Variants in ATP8A1 observed in about 807,000 individuals in gnomAD.
ATP8A1 encodes ATPase phospholipid transporting 8A1.
A neutral mutation model predicts 177.7 loss-of-function variants in ATP8A1; 90 were observed. The ratio of observed to expected loss-of-function variants is 0.51; its 90% CI spans 0.43 to 0.60. The LOEUF (loss-of-function observed/expected upper bound fraction) is 0.60. Among genes scored for constraint, ATP8A1 ranks in the 20% least tolerant of loss-of-function variants. ATP8A1 has a pLI of 0.00. For synonymous variants in ATP8A1, 493 were observed against 485.9 expected, an observed-to-expected ratio of 1.01 and a Z score of -0.19; for missense variants, 1,072 against 1,392.8, an observed-to-expected ratio of 0.77 and a Z score of 3.67.
chr4:42,618,914 T>C (rs771306871), intron 4 of ATP8A1, among the ~76,000 whole-genome samples: 1 of 152,240 alleles, frequency 6.6e-6, no homozygotes, highest in Non-Finnish European at 1.5e-5. Context: ...CTCCTTGCAA[T>C]CCATTTTCTA....
At chr4:42,483,410 A>G (rs1187970786) in intron 25 of ATP8A1, among the ~76,000 whole-genome samples, 1 of 152,008 alleles carries the variant, frequency 6.6e-6, no homozygotes, top group Non-Finnish European at 1.5e-5. Flanking sequence ...AACTGGAAAT[A>G]AAACTCAGTG....
intron 1 of ATP8A1, among the ~76,000 whole-genome samples, chr4:42,634,796 A>C (rs1412055367): frequency 6.6e-6 from 1 of 152,246 alleles, no homozygotes; most frequent in Non-Finnish European, 1.5e-5. Context: ...GGGAGAAAAT[A>C]AATAGGCTAT....
chr4:42,414,651 C>T lies in ATP8A1; in HGVS notation c.3373G>A (p.Glu1125Lys). 1 of 1,613,838 alleles carries T rather than the reference C, an allele frequency of 6.2e-7. No individual in the cohort carries two copies. The change falls in exon 36 of 37, where the codon GAA (glutamate) becomes AAA (lysine). Residue 1125 changes from glutamate to lysine, a missense_variant. Around this residue, in one of 5 missense-constraint regions of ATP8A1, gnomAD observed 316 missense variants for 459.1 expected, o/e 0.69. Transcript: ENST00000381668. ...KKNHVNLYRSESLQQNLLHGY... is the reference protein window; with the variant it reads ...KKNHVNLYRSKSLQQNLLHGY... ...CGGAGCAGATTTTGTTGCAAGGATTCAGAGCGGTACAAGTTCACGTGGTTC... is the reference window on the plus strand; with the variant it reads ...CGGAGCAGATTTTGTTGCAAGGATTTAGAGCGGTACAAGTTCACGTGGTTC...
At chr4:42,578,478 C>T (rs1451571003) in intron 11 of ATP8A1, 91 bp from the exon 12 acceptor site, 28 of 1,398,546 alleles carry the variant, frequency 2.0e-5, no homozygotes, top group East Asian at 4.7e-5. Flanking sequence ...TTCCATACTA[C>T]GCAGCTTATT....
chr4:42,650,713 C>A (rs1248628555), intron 1 of ATP8A1, among the ~76,000 whole-genome samples: 1 of 152,144 alleles, frequency 6.6e-6, no homozygotes, highest in African/African-American at 2.4e-5. Flanking sequence ...TATATTTTAG[C>A]ATTATAGTAT....
intron 27 of ATP8A1, among the ~76,000 whole-genome samples, chr4:42,458,830 C>A (rs528217752): frequency 9.2e-5 from 14 of 152,170 alleles, no homozygotes; most frequent in Non-Finnish European, 1.9e-4. Flanking sequence ...CATTCATTTT[C>A]CTGATGGAGC....
At position 42,451,054 on chromosome 4, in the gene ATP8A1, G is replaced by C. The variant is rs541459826; in HGVS notation, c.2896+927C>G. On this transcript the variant is annotated intron_variant, in intron 30 of 36. Coordinates refer to ENST00000381668, the MANE Select transcript of ATP8A1 (RefSeq NM_006095.2). ...AATTCGAATATCTGTGAAGAATGGGGAACAATTTGGAGGTGGAGGATTTTG... is the reference window on the plus strand; with the variant it reads ...AATTCGAATATCTGTGAAGAATGGGCAACAATTTGGAGGTGGAGGATTTTG... 9.9e-5 allele frequency among the ~76,000 whole-genome samples: 15 copies of C among 152,224 alleles called. No individual in the cohort carries two copies. The South Asian group carries it at 3.1e-3, about 32-fold the overall frequency.
intron 35 of ATP8A1, among the ~76,000 whole-genome samples, chr4:42,417,015 G>T (rs574456291): frequency 7.3e-4 from 111 of 152,254 alleles, no homozygotes; most frequent in African/African-American, 2.6e-3. Flanking sequence ...CTAAGAAAAT[G>T]ACTAGATTTT....
intron 1 of ATP8A1, among the ~76,000 whole-genome samples, chr4:42,650,849 T>C (rs1318794804): frequency 6.6e-6 from 1 of 152,180 alleles, no homozygotes; most frequent in Admixed American, 6.5e-5. Context: ...GTTTCTATGT[T>C]ATCCAAGCAA....
At chr4:42,613,886 ATT>A (rs56982939) in intron 5 of ATP8A1, among the ~76,000 whole-genome samples, 39 of 148,496 alleles carry the variant, frequency 2.6e-4, no homozygotes, top group African/African-American at 5.2e-4. Flanking sequence ...GCCTGGCCTC[ATT>A]TTTTTTTTTT....
intron 14 of ATP8A1, among the ~76,000 whole-genome samples, chr4:42,573,432 G>A (rs1732101684): frequency 6.6e-6 from 1 of 152,170 alleles, no homozygotes; most frequent in African/African-American, 2.4e-5. Context: ...TTGTTGGGAG[G>A]AGGGTGGAGG....
chr4:42,635,389 A>T (rs141673646), intron 1 of ATP8A1, among the ~76,000 whole-genome samples: 70 of 152,202 alleles, frequency 4.6e-4, no homozygotes, highest in Non-Finnish European at 9.1e-4. Context: ...AGGAGAGTGC[A>T]ATTATATAAC....
intron 1 of ATP8A1, among the ~76,000 whole-genome samples, chr4:42,656,332 A>G (rs1354224431): frequency 6.6e-6 from 1 of 152,134 alleles, no homozygotes; most frequent in African/African-American, 2.4e-5. Context: ...AATGCAGGGA[A>G]CCCACTCGGC....
intron 20 of ATP8A1, among the ~76,000 whole-genome samples, chr4:42,539,975 G>C (rs1295765282): frequency 6.6e-6 from 1 of 151,978 alleles, no homozygotes; most frequent in African/African-American, 2.4e-5. Context: ...AAAAAGCATA[G>C]CAAAAGAAAC....
chr4:42,439,845 A>G (rs1333417612), intron 33 of ATP8A1, among the ~76,000 whole-genome samples: 2 of 152,180 alleles, frequency 1.3e-5, no homozygotes, highest in South Asian at 2.1e-4. Flanking sequence ...CATTCCTCTT[A>G]GCAACTATTA....
intron 20 of ATP8A1, among the ~76,000 whole-genome samples, chr4:42,530,614 T>C (rs528057029): frequency 6.6e-6 from 1 of 152,324 alleles, no homozygotes; most frequent in East Asian, 1.9e-4. Flanking sequence ...TCACTGGTCT[T>C]ACCATGGAAC....
intron 7 of ATP8A1, 76 bp downstream of exon 7, chr4:42,590,735 T>C: frequency 1.5e-6 from 2 of 1,345,734 alleles, no homozygotes; most frequent in Non-Finnish European, 1.1e-6. Flanking sequence ...AACTCAACCA[T>C]ATTTGGGTGC....
chr4:42,578,143 T>C (rs765226029), intron 12 of ATP8A1, 117 bp downstream of exon 12: 93 of 997,336 alleles, frequency 9.3e-5, no homozygotes, highest in Non-Finnish European at 1.3e-4. Flanking sequence ...TTCAAAAATC[T>C]GATACTGTGG....
chr4:42,532,145 C>G (rs796274366), intron 20 of ATP8A1, among the ~76,000 whole-genome samples: 7 of 151,986 alleles, frequency 4.6e-5, no homozygotes, highest in African/African-American at 1.7e-4. Context: ...CAGACACACA[C>G]ACACATAAAA....
Sources: allele counts gnomAD v4.1 joint callset (sites outside exome capture counted in the v4.1 genomes callset), GRCh38; gene constraint gnomAD v4.1.1; regional missense constraint gnomAD v4.1.1; transcripts MANE v1.5; gene names NCBI Gene and HGNC (gene_info 2026-07-23, HGNC 2026-07-21).